ZNF292: variants seen among roughly 807,000 people sequenced by gnomAD.
ZNF292 encodes zinc finger protein 292.
A neutral mutation model predicts 217.9 loss-of-function variants in ZNF292; 26 were observed. The ratio of observed to expected loss-of-function variants is 0.12; its 90% CI spans 0.09 to 0.17. The LOEUF is 0.17. Among genes scored for constraint, ZNF292 ranks in the 10% least tolerant of loss-of-function variants. The pLI, the probability that ZNF292 is intolerant of heterozygous loss-of-function variation, is 1.00. For missense variants in ZNF292, 2,904 were observed against 3,175.2 expected, an observed-to-expected ratio of 0.91 and a Z score of 2.05; for synonymous variants, 1,257 against 1,124.1, an observed-to-expected ratio of 1.12 and a Z score of -2.37.
rs1256986417 is a variant in ZNF292, at chr6:87,261,578, C to G, written c.7949C>G (p.Thr2650Arg). ...NHVCPCKESETFVQFANPSQL... is the reference protein window; with the variant it reads ...NHVCPCKESERFVQFANPSQL... ...GTATGTCCTTGTAAAGAAAGCGAAACGTTTGTACAGTTTGCCAATCCATCA... is the reference window on the plus strand; with the variant it reads ...GTATGTCCTTGTAAAGAAAGCGAAAGGTTTGTACAGTTTGCCAATCCATCA... Residue 2650 changes from threonine to arginine, a missense_variant, in exon 8 of 8, where the codon ACG becomes AGG. By Grantham distance (71) the Thr-to-Arg change is moderately conservative. Coordinates refer to ENST00000369577, the MANE Select transcript of ZNF292 (RefSeq NM_015021.3). The G allele has an allele frequency of 6.2e-7, 1 of 1,610,826 alleles. No individual in the cohort carries two copies. Among genetic ancestry groups the G allele is most frequent in the East Asian group, 2.2e-5 (1 of 44,792 alleles).
At position 87,255,330 on chromosome 6, in the gene ZNF292, A is replaced by C. The variant is rs1219913648; in HGVS notation, c.1701A>C (p.Gly567=). ...VRHAQKHYKD[G]IYSCPICAKN... is the part of the protein sequence containing the mutation. ...ATGCTCAGAAACATTACAAAGATGGAATTTATAGTTGCCCCATATGTGCAA... is the reference window on the plus strand; with the variant it reads ...ATGCTCAGAAACATTACAAAGATGGCATTTATAGTTGCCCCATATGTGCAA... Residue 567 remains glycine, a synonymous_variant, in exon 8 of 8, where the codon GGA becomes GGC. Transcript: ENST00000369577. The C allele has an allele frequency of 6.2e-7, 1 of 1,613,826 alleles. No homozygotes were observed. The highest frequency in any genetic ancestry group is 8.5e-7 in the Non-Finnish European group (1 of 1,179,832).
intron 1 of ZNF292, among the ~76,000 whole-genome samples, chr6:87,207,135 A>G (rs1040778494): frequency 4.6e-5 from 7 of 152,234 alleles, no homozygotes; most frequent in Non-Finnish European, 7.3e-5. Flanking sequence ...CTAACAGCTC[A>G]GTTCATTTGG....
Position 87,261,696 on chromosome 6 carries a change from A to G in ZNF292, c.8067A>G (p.Lys2689=), listed in dbSNP as rs766501123. 3.7e-6 allele frequency: 6 copies of G among 1,613,134 alleles called. No homozygotes were observed. The South Asian group carries it at 6.6e-5, about 18-fold the overall frequency. The part of the protein sequence containing the change: ...ELVLKQLQEM[K]PTVSLKKLEV... ...TCTTAAAGCAACTTCAGGAAATGAA[A>G]CCTACCGTCAGTCTGAAAAAACTTG... Residue 2689 remains lysine, a synonymous_variant, in exon 8 of 8, where the codon AAA becomes AAG. Transcript: ENST00000369577.
intron 1 of ZNF292, among the ~76,000 whole-genome samples, chr6:87,192,461 A>G (rs1434268120): frequency 2.0e-5 from 3 of 151,974 alleles, no homozygotes; most frequent in African/African-American, 7.3e-5. Flanking sequence ...TGCATGTTGT[A>G]CATTCCAATA....
chr6:87,195,884 C>G (rs576874972), intron 1 of ZNF292, among the ~76,000 whole-genome samples: 1 of 151,632 alleles, frequency 6.6e-6, no homozygotes, highest in Non-Finnish European at 1.5e-5. Context: ...AAAAATTAGC[C>G]GGGCATGGTG....
At chr6:87,163,450 C>CAA (rs751272449) in intron 1 of ZNF292, among the ~76,000 whole-genome samples, 2 of 133,470 alleles carry the variant, frequency 1.5e-5, no homozygotes, top group African/African-American at 2.7e-5. Flanking sequence ...GACTTCGCCT[C>CAA]AAAAAAAAAA....
intron 3 of ZNF292, among the ~76,000 whole-genome samples, chr6:87,217,975 C>G (rs540181903): frequency 6.6e-6 from 1 of 152,204 alleles, no homozygotes; most frequent in East Asian, 1.9e-4. Flanking sequence ...GAACTTTGTT[C>G]ATAGAAATTC....
chr6:87,215,421 A>T (rs1772702475), intron 1 of ZNF292, among the ~76,000 whole-genome samples: 1 of 152,108 alleles, frequency 6.6e-6, no homozygotes, highest in Non-Finnish European at 1.5e-5. Context: ...AAAATTATTA[A>T]TTTGTATGTA....
At position 87,205,294 on chromosome 6, in the gene ZNF292, G is replaced by A. The variant is rs539837658; in HGVS notation, c.169-10609G>A. 1.8e-4 allele frequency among the ~76,000 whole-genome samples: 28 copies of A among 152,034 alleles called. 1 individual carries two copies. The South Asian group carries it at 5.4e-3, about 29-fold the overall frequency. ...TTGCTATGTTGCTCTGGCTGGTCTC[G>A]AACCCCTGGCCTCAAATTATCCTCC... is the stretch of plus-strand genomic sequence containing the variant. On this transcript the variant is annotated intron_variant, in intron 1 of 7. Coordinates refer to ENST00000369577, the MANE Select transcript of ZNF292 (RefSeq NM_015021.3).
chr6:87,211,908 T>C (rs1423889723), intron 1 of ZNF292, among the ~76,000 whole-genome samples: 1 of 152,186 alleles, frequency 6.6e-6, no homozygotes, highest in African/African-American at 2.4e-5. Flanking sequence ...TGTGTATAAA[T>C]ATAAATATAT....
intron 5 of ZNF292, among the ~76,000 whole-genome samples, chr6:87,241,417 A>ATTTT (rs34271239): frequency 8.0e-6 from 1 of 124,674 alleles, no homozygotes; most frequent in African/African-American, 3.0e-5. Context: ...AAGAGCTTGG[A>ATTTT]TTTTTTTTTT....
At chr6:87,248,507 C>CTCA (rs1774726413) in intron 7 of ZNF292, among the ~76,000 whole-genome samples, 1 of 152,106 alleles carries the variant, frequency 6.6e-6, no homozygotes, top group South Asian at 2.1e-4. Flanking sequence ...AGTTGGGAAG[C>CTCA]TGAGGCTAGA....
rs1775747964 is a variant in ZNF292 at position 87,264,418 on chromosome 6, G to T, written c.*2617G>T. On this transcript the variant is annotated 3_prime_UTR_variant, in exon 8 of 8. Coordinates refer to ENST00000369577, the MANE Select transcript of ZNF292 (RefSeq NM_015021.3). The stretch of plus-strand genomic sequence containing the variant: ...ACATAGGTACATTATTATTTTAAAG[G>T]GCTAGACATATTTTTAAGGCAAATT... Among the ~76,000 whole-genome samples, 4 of 152,090 alleles carry T rather than the reference G, an allele frequency of 2.6e-5. No homozygotes were observed. In the South Asian group the frequency reaches 8.3e-4, roughly 31 times the overall value.
At chr6:87,235,737 A>C (rs543420060) in intron 5 of ZNF292, among the ~76,000 whole-genome samples, 29 of 152,134 alleles carry the variant, frequency 1.9e-4, no homozygotes, top group Non-Finnish European at 3.8e-4. Context: ...CCAGTGTCAT[A>C]TGGAACTATT....
At chr6:87,218,796 G>T in intron 4 of ZNF292, 65 bp downstream of exon 4, 1 of 1,466,246 alleles carries the variant, frequency 6.8e-7, no homozygotes. Flanking sequence ...TGTTAAAGTT[G>T]TTTTGATATA....
At chr6:87,167,714 A>G (rs1158027057) in intron 1 of ZNF292, among the ~76,000 whole-genome samples, 1 of 152,206 alleles carries the variant, frequency 6.6e-6, no homozygotes, top group Non-Finnish European at 1.5e-5. Context: ...GTTTTCCTGT[A>G]ATACTTTTGA....
intron 7 of ZNF292, among the ~76,000 whole-genome samples, chr6:87,251,327 AG>A (rs1234120793): frequency 6.6e-6 from 1 of 152,238 alleles, no homozygotes; most frequent in Non-Finnish European, 1.5e-5. Context: ...ATGAGTGGGC[AG>A]GGAAGAACTG....
Position 87,258,443 on chromosome 6 carries a change from G to T in ZNF292, c.4814G>T (p.Arg1605Leu). The part of the protein sequence containing the change: ...PSQNFTSNSS[R>L]VSVISGPQNT... ...CAAAATTTTACCAGTAACAGTTCTC[G>T]TGTTTCTGTTATAAGTGGTCCTCAG... is the stretch of plus-strand genomic sequence containing the variant. Residue 1605 changes from arginine (R) to leucine (L), a missense_variant, in exon 8 of 8, where the codon CGT (arginine) becomes CTT (leucine). Physicochemically the swap from Arg to Leu is moderately radical, Grantham distance 102. This residue lies in a region of ZNF292 where 622 missense variants were observed against 573.1 expected (regional missense o/e 1.09). Transcript: ENST00000369577. 6.2e-7 allele frequency: 1 copy of T among 1,613,604 alleles called. No individual in the cohort carries two copies. The highest frequency in any genetic ancestry group is 2.2e-5 in the East Asian group (1 of 44,870).
intron 1 of ZNF292, among the ~76,000 whole-genome samples, chr6:87,187,555 T>G (rs896960911): frequency 2.0e-5 from 3 of 151,892 alleles, no homozygotes; most frequent in Admixed American, 1.3e-4. Context: ...CCATCTCTAC[T>G]AAAAATACAA....
Sources: gnomAD v4.1 joint callset for allele counts (sites outside exome capture counted in the v4.1 genomes callset) on GRCh38, gnomAD v4.1.1 for gene constraint, gnomAD v4.1.1 regional missense constraint, MANE v1.5 for transcripts, NCBI Gene and HGNC (gene_info 2026-07-23, HGNC 2026-07-21) for gene names.